The following TASP1 variants were observed in gnomAD, a reference collection of about 807,000 sequenced individuals.
The protein encoded by TASP1 is threonine aspartase 1.
In TASP1, 16 loss-of-function variants were observed where a neutral mutation model predicts 56.6. The ratio of observed to expected loss-of-function variants is 0.28; its 90% CI spans 0.19 to 0.43. TASP1 has a LOEUF of 0.43. TASP1 is among the 20% of genes least tolerant of loss of function. The pLI is 1.00. For synonymous variants in TASP1, 179 were observed against 184.2 expected (o/e 0.97, Z 0.23); for missense variants, 393 against 511.6 (o/e 0.77, Z 2.24).
chr20:13,186,498 A>G, the TASP1 span, among the ~76,000 whole-genome samples: 6 of 152,186 alleles, frequency 3.9e-5, no homozygotes, highest in African/African-American at 1.2e-4. Flanking sequence ...GAAAATAGCT[A>G]CATTACCAGT....
chr20:13,180,341 T>C, the TASP1 span, among the ~76,000 whole-genome samples: 13 of 152,306 alleles, frequency 8.5e-5, no homozygotes, highest in African/African-American at 3.1e-4. Flanking sequence ...CCAAGCCCTA[T>C]TCTAGGTACC....
intron 10 of TASP1, among the ~76,000 whole-genome samples, chr20:13,488,928 C>G (rs73899328): frequency 2.6e-5 from 4 of 152,110 alleles, no homozygotes; most frequent in Non-Finnish European, 4.4e-5. Context: ...TACATCCATC[C>G]CCTTACTCCC....
At chr20:13,235,876 A>G in the TASP1 span, among the ~76,000 whole-genome samples, 1 of 151,928 alleles carries the variant, frequency 6.6e-6, no homozygotes, top group Non-Finnish European at 1.5e-5. Flanking sequence ...GAAACAGAAC[A>G]TGCCTGGGGA....
chr20:13,296,829 C>T, the TASP1 span, among the ~76,000 whole-genome samples: 13 of 152,108 alleles, frequency 8.5e-5, no homozygotes, highest in Non-Finnish European at 1.3e-4. Context: ...ACCAACCTGG[C>T]CAATGTGGTG....
chr20:13,290,171 T>C, the TASP1 span, among the ~76,000 whole-genome samples: 1 of 152,180 alleles, frequency 6.6e-6, no homozygotes. Flanking sequence ...GTGCTTTTCC[T>C]GACTTTCCCA....
the TASP1 span, among the ~76,000 whole-genome samples, chr20:13,110,851 A>G: frequency 6.6e-6 from 1 of 152,124 alleles, no homozygotes; most frequent in African/African-American, 2.4e-5. Flanking sequence ...ATTGAGGGGG[A>G]TATCTCCTAT....
At chr20:13,628,822 G>A (rs139428093) in intron 2 of TASP1, among the ~76,000 whole-genome samples, 1 of 152,094 alleles carries the variant, frequency 6.6e-6, no homozygotes, top group Non-Finnish European at 1.5e-5. Context: ...AGGAAACCTG[G>A]GCAGAGCAGC....
At chr20:13,451,274 A>G (rs2043606846) in intron 11 of TASP1, among the ~76,000 whole-genome samples, 2 of 152,108 alleles carry the variant, frequency 1.3e-5, no homozygotes, top group African/African-American at 2.4e-5. Flanking sequence ...CATTGGCTTC[A>G]ATTGAAAATC....
chr20:13,558,508 T>C (rs1024117394), intron 8 of TASP1, among the ~76,000 whole-genome samples: 9 of 152,092 alleles, frequency 5.9e-5, no homozygotes, highest in Admixed American at 6.5e-5. Flanking sequence ...TTTTTAATTT[T>C]ATAAAATTTT....
At chr20:13,313,759 T>C in the TASP1 span, among the ~76,000 whole-genome samples, 1 of 152,118 alleles carries the variant, frequency 6.6e-6, no homozygotes, top group Non-Finnish European at 1.5e-5. Flanking sequence ...AGGCAAAAAC[T>C]ACAGTTTAAA....
intron 11 of TASP1, among the ~76,000 whole-genome samples, chr20:13,465,649 A>C (rs936341545): frequency 1.3e-5 from 2 of 152,170 alleles, no homozygotes; most frequent in African/African-American, 4.8e-5. Flanking sequence ...AATACCACTC[A>C]GTAATAAAAA....
the TASP1 span, among the ~76,000 whole-genome samples, chr20:13,306,962 T>C: frequency 6.6e-6 from 1 of 152,122 alleles, no homozygotes; most frequent in African/African-American, 2.4e-5. Flanking sequence ...GCTCTGTGTT[T>C]CAGGAAAAAG....
At chr20:13,508,904 A>G (rs557293494) in intron 10 of TASP1, among the ~76,000 whole-genome samples, 1 of 152,308 alleles carries the variant, frequency 6.6e-6, no homozygotes, top group South Asian at 2.1e-4. Context: ...ATAAATTAGT[A>G]CAGCCATTCT....
chr20:13,568,979 T>C (rs2046624946), intron 7 of TASP1, among the ~76,000 whole-genome samples: 1 of 152,168 alleles, frequency 6.6e-6, no homozygotes, highest in South Asian at 2.1e-4. Flanking sequence ...TTGATCATTT[T>C]TATATTGGGC....
chr20:13,352,111 T>A, the TASP1 span, among the ~76,000 whole-genome samples: 2 of 152,180 alleles, frequency 1.3e-5, no homozygotes, highest in Non-Finnish European at 2.9e-5. Flanking sequence ...ATATCTAGAA[T>A]AATGAGAAAT....
chr20:13,428,633 T>C (rs992677806), intron 12 of TASP1, among the ~76,000 whole-genome samples: 1 of 152,186 alleles, frequency 6.6e-6, no homozygotes, highest in Non-Finnish European at 1.5e-5. Context: ...TCTCATGATC[T>C]GGGGGTAGGA....
chr20:13,611,105 A>G (rs1317273766), intron 4 of TASP1, among the ~76,000 whole-genome samples: 1 of 152,230 alleles, frequency 6.6e-6, no homozygotes, highest in East Asian at 1.9e-4. Context: ...CTGGGCAATC[A>G]TCACAAAGAC....
the TASP1 span, among the ~76,000 whole-genome samples, chr20:13,280,214 T>C: frequency 6.6e-6 from 1 of 151,090 alleles, no homozygotes; most frequent in Non-Finnish European, 1.5e-5. Flanking sequence ...AATGAAGAAA[T>C]TCTCCAATTA....
the TASP1 span, among the ~76,000 whole-genome samples, chr20:13,151,871 G>C: frequency 6.6e-6 from 1 of 152,074 alleles, no homozygotes; most frequent in Non-Finnish European, 1.5e-5. Flanking sequence ...CTAAAGTGAA[G>C]GGGGCCCTAG....
Sources: allele counts gnomAD v4.1 joint callset (sites outside exome capture counted in the v4.1 genomes callset), GRCh38; gene constraint gnomAD v4.1.1; transcripts MANE v1.5; gene names NCBI Gene and HGNC (gene_info 2026-07-23, HGNC 2026-07-21).